The following ADAMTS18 variants were observed in gnomAD, a reference collection of about 807,000 sequenced individuals.
The protein encoded by ADAMTS18 is ADAM metallopeptidase with thrombospondin type 1 motif 18, also known as A disintegrin and metalloproteinase with thrombospondin motifs 18.
ADAMTS18 carries 157 observed loss-of-function variants against 165.9 expected under a neutral mutation model. The observed-to-expected ratio is 0.95, with a 90% CI of 0.83 to 1.08. ADAMTS18 has a LOEUF of 1.08. Among genes scored for constraint, ADAMTS18 ranks in the 50% least tolerant of loss-of-function variants. The probability of loss-of-function intolerance (pLI) is 0.00; values close to 1 mark genes in which losing one functional copy is unlikely to be tolerated. For missense variants in ADAMTS18, 2,040 were observed against 1,534.0 expected, an observed-to-expected ratio of 1.33 and a Z score of -5.51; for synonymous variants, 782 against 578.2, an observed-to-expected ratio of 1.35 and a Z score of -5.06.
chr16:77,419,797 G>A (rs1045934251), intron 3 of ADAMTS18, among the ~76,000 whole-genome samples: 2 of 151,754 alleles, frequency 1.3e-5, no homozygotes, highest in African/African-American at 2.4e-5. Context: ...TCAGGAGTTC[G>A]AGACCAGCCT....
At chr16:77,384,826 T>A (rs2057082597) in intron 3 of ADAMTS18, among the ~76,000 whole-genome samples, 2 of 104,188 alleles carry the variant, frequency 1.9e-5, no homozygotes, top group South Asian at 6.8e-4. Context: ...TTGCTTCAGA[T>A]TTTTTTAAAA....
chr16:77,421,841 A>C lies in ADAMTS18; in HGVS notation c.495+9454T>G, dbSNP rs37918. 3.8e-3 allele frequency among the ~76,000 whole-genome samples: 583 copies of C among 152,304 alleles called. 2 individuals carry two copies. Among genetic ancestry groups the C allele is most frequent in the Admixed American group, 8.6e-3 (131 of 15,296 alleles). On this transcript the variant is annotated intron_variant, in intron 3 of 22. Coordinates refer to ENST00000282849, the MANE Select transcript of ADAMTS18 (RefSeq NM_199355.4). The stretch of plus-strand genomic sequence containing the variant: ...CCATGTTATTTTTCAGCAGCATCAC[A>C]AAAAAATCCTGGAAATAAACATTAA...
chr16:77,377,185 T>C (rs2056966417), intron 3 of ADAMTS18, among the ~76,000 whole-genome samples: 1 of 152,172 alleles, frequency 6.6e-6, no homozygotes, highest in Non-Finnish European at 1.5e-5. Flanking sequence ...TTCCCTAAAG[T>C]TTCCTTTAAA....
rs563542787 is a variant in ADAMTS18, at chr16:77,291,497, T to A, written c.3190-19A>T. ...CAGAACACTAGGAGCCAAGACAGGA[T>A]GTGTAAAAGTGAAGACTGCCAGGAT... On this transcript the variant is annotated intron_variant, in intron 20 of 22. Coordinates refer to ENST00000282849, the MANE Select transcript of ADAMTS18 (RefSeq NM_199355.4). 3.1e-6 allele frequency: 5 copies of A among 1,612,086 alleles called. No homozygotes were observed. The Admixed American group carries it at 6.7e-5, about 21-fold the overall frequency.
intron 10 of ADAMTS18, among the ~76,000 whole-genome samples, chr16:77,349,660 C>A (rs1038714483): frequency 1.3e-5 from 2 of 151,940 alleles, no homozygotes; most frequent in African/African-American, 4.8e-5. Context: ...AAAGTTGGAG[C>A]CCTCAAAATC....
intron 7 of ADAMTS18, among the ~76,000 whole-genome samples, chr16:77,360,778 T>G (rs2056701182): frequency 6.6e-6 from 1 of 152,170 alleles, no homozygotes; most frequent in Non-Finnish European, 1.5e-5. Context: ...TGCAGAGAAT[T>G]TGAGAAACAT....
chr16:77,314,489 G>T (rs79421359), intron 16 of ADAMTS18, among the ~76,000 whole-genome samples: 14,784 of 150,696 alleles, frequency 0.098, 978 homozygotes, highest in East Asian at 0.26. Flanking sequence ...GTGCACGCCT[G>T]TAATCCCAGC....
At chr16:77,313,107 T>C (rs931207935) in intron 16 of ADAMTS18, among the ~76,000 whole-genome samples, 8 of 34,032 alleles carry the variant, frequency 2.4e-4, no homozygotes, top group Non-Finnish European at 2.9e-4. Context: ...TGGAATACTA[T>C]GCAGCCATAA....
At chr16:77,370,281 G>C (rs1410616494) in intron 3 of ADAMTS18, among the ~76,000 whole-genome samples, 2 of 152,144 alleles carry the variant, frequency 1.3e-5, no homozygotes, top group Non-Finnish European at 2.9e-5. Flanking sequence ...ACTTAGAAAG[G>C]AAGAAGCCAA....
chr16:77,332,898 A>G (rs1365593263), intron 12 of ADAMTS18, among the ~76,000 whole-genome samples: 1 of 152,192 alleles, frequency 6.6e-6, no homozygotes, highest in East Asian at 1.9e-4. Context: ...ATTTCACATC[A>G]GCATTTTTCC....
At chr16:77,401,895 G>C (rs981895208) in intron 3 of ADAMTS18, among the ~76,000 whole-genome samples, 5 of 152,180 alleles carry the variant, frequency 3.3e-5, no homozygotes, top group African/African-American at 7.2e-5. Flanking sequence ...CTGTAGTTTA[G>C]GACTTACATC....
At chr16:77,312,373 G>A (rs537415381) in intron 16 of ADAMTS18, among the ~76,000 whole-genome samples, 1 of 151,976 alleles carries the variant, frequency 6.6e-6, no homozygotes, top group East Asian at 1.9e-4. Context: ...CAGTACCTAG[G>A]ATTATAGGCG....
intron 10 of ADAMTS18, among the ~76,000 whole-genome samples, chr16:77,342,145 A>G (rs2056407889): frequency 6.6e-6 from 1 of 152,218 alleles, no homozygotes; most frequent in Non-Finnish European, 1.5e-5. Flanking sequence ...GAATAAAGCA[A>G]GTCGGATTCA....
At chr16:77,330,685 T>A (rs191776390) in intron 12 of ADAMTS18, among the ~76,000 whole-genome samples, 14 of 152,348 alleles carry the variant, frequency 9.2e-5, no homozygotes, top group Admixed American at 7.2e-4. Context: ...TGTCCCTGTG[T>A]GCCTGGCATT....
intron 10 of ADAMTS18, among the ~76,000 whole-genome samples, chr16:77,350,500 T>C (rs188456798): frequency 2.2e-4 from 34 of 152,284 alleles, no homozygotes; most frequent in African/African-American, 6.5e-4. Flanking sequence ...GGAGGAACTA[T>C]TGTAATCTTC....
chr16:77,299,574 C>T lies in ADAMTS18; in HGVS notation c.2674+689G>A, dbSNP rs570904960. 3.4e-3 allele frequency among the ~76,000 whole-genome samples: 521 copies of T among 152,206 alleles called. 5 individuals are homozygous for T. The highest frequency in any genetic ancestry group is 5.4e-3 in the Non-Finnish European group (368 of 68,018). ...CTCTGAATAATAGGAAATGAGAGAC[C>T]AACATTCATGCTGTGGTTTCAGGAA... On this transcript the variant is annotated intron_variant, in intron 17 of 22. Coordinates refer to ENST00000282849, the MANE Select transcript of ADAMTS18 (RefSeq NM_199355.4).
chr16:77,434,266 A>C (rs1301148464), intron 2 of ADAMTS18, 152 bp downstream of exon 2: 1 of 914,504 alleles, frequency 1.1e-6, no homozygotes, highest in African/African-American at 1.7e-5. Context: ...GTCCTTGCCA[A>C]CCTTCCCCCC....
At chr16:77,350,179 G>C (rs2056535548) in intron 10 of ADAMTS18, among the ~76,000 whole-genome samples, 1 of 152,272 alleles carries the variant, frequency 6.6e-6, no homozygotes, top group Non-Finnish European at 1.5e-5. Context: ...CCTGCTTTGA[G>C]TCTTTCCAGA....
chr16:77,433,888 C>G (rs1440655199), intron 2 of ADAMTS18, among the ~76,000 whole-genome samples: 2 of 151,936 alleles, frequency 1.3e-5, no homozygotes, highest in African/African-American at 4.8e-5. Flanking sequence ...ACTCAGAGAC[C>G]TGAAGTCACC....
Sources: allele counts gnomAD v4.1 joint callset (sites outside exome capture counted in the v4.1 genomes callset), GRCh38; gene constraint gnomAD v4.1.1; transcripts MANE v1.5; gene names NCBI Gene and HGNC (gene_info 2026-07-23, HGNC 2026-07-21).